ZBTB7B: variants seen among roughly 807,000 people sequenced by gnomAD.
ZBTB7B encodes the protein zinc finger and BTB domain containing 7B, also known as zinc finger and BTB domain-containing protein 7B.
Under a neutral mutation model 31.0 loss-of-function variants are expected in ZBTB7B, and 8 were observed. The ratio of observed to expected loss-of-function variants is 0.26; its 90% CI spans 0.15 to 0.47. ZBTB7B has a LOEUF of 0.47. ZBTB7B is among the 20% of genes least tolerant of loss of function. ZBTB7B has a pLI of 0.99. For missense variants in ZBTB7B, 494 were observed against 742.4 expected (o/e 0.67, Z 3.89); for synonymous variants, 261 against 307.3 (o/e 0.85, Z 1.58).
intron 1 of ZBTB7B, among the ~76,000 whole-genome samples, chr1:155,008,485 CT>C (rs1181789543): frequency 6.6e-6 from 1 of 152,066 alleles, no homozygotes; most frequent in Non-Finnish European, 1.5e-5. Context: ...CCTGTCACCC[CT>C]GGCACTGACT....
intron 1 of ZBTB7B, among the ~76,000 whole-genome samples, chr1:155,005,858 C>G (rs903723556): frequency 4.6e-5 from 7 of 152,204 alleles, no homozygotes; most frequent in African/African-American, 1.4e-4. Context: ...CCCCTCCCCC[C>G]CACTCTTGCC....
At chr1:155,009,660 A>G (rs979915101) in intron 1 of ZBTB7B, among the ~76,000 whole-genome samples, 2 of 151,798 alleles carry the variant, frequency 1.3e-5, no homozygotes, top group Non-Finnish European at 2.9e-5. Context: ...ATTCTCCCCA[A>G]CTGGCTCCCA....
At chr1:155,008,616 C>T (rs1658718819) in intron 1 of ZBTB7B, among the ~76,000 whole-genome samples, 1 of 152,198 alleles carries the variant, frequency 6.6e-6, no homozygotes, top group Admixed American at 6.5e-5. Flanking sequence ...CATCTCTGTC[C>T]TCCTGGACTG....
At chr1:155,009,887 A>G (rs1249527600) in intron 1 of ZBTB7B, among the ~76,000 whole-genome samples, 1 of 152,032 alleles carries the variant, frequency 6.6e-6, no homozygotes, top group Non-Finnish European at 1.5e-5. Flanking sequence ...ACCAAGGGGA[A>G]GAGAAAGGAG....
chr1:155,004,991 G>A lies in ZBTB7B; in HGVS notation c.-7+2048G>A, dbSNP rs1658472283. Among the ~76,000 whole-genome samples, 1 of 152,130 alleles carries A rather than the reference G, an allele frequency of 6.6e-6. No homozygotes were observed. The highest frequency in any genetic ancestry group is 1.5e-5 in the Non-Finnish European group (1 of 67,990). On this transcript the variant is annotated intron_variant, in intron 1 of 2. Coordinates refer to ENST00000535420, the MANE Select transcript of ZBTB7B (RefSeq NM_001256455.2). The surrounding 1 kb of genome is among the most constrained non-coding windows in gnomAD (Gnocchi z 4.0). ...CTAATGGGACTCTCATCACTACTCA[G>A]TTCTGGCTGATGTAGACCCCAGTGT...
At chr1:155,014,055 A>G (rs768597321) in intron 1 of ZBTB7B, 2 of 986,256 alleles carry the variant, frequency 2.0e-6, no homozygotes, top group Non-Finnish European at 2.4e-6. Context: ...GAGTTAAAGC[A>G]CCTGTCTGTG....
chr1:155,015,761 C>A lies in ZBTB7B; in HGVS notation c.1101C>A (p.Thr367=). 1 of 1,612,366 alleles carries A rather than the reference C, an allele frequency of 6.2e-7. No homozygotes were observed. The change falls in exon 2 of 3, where the codon ACC becomes ACA. Residue 367 remains threonine (T), a synonymous_variant. Transcript: ENST00000535420. The part of the protein sequence containing the change: ...GAGKLPRHMR[T]HTGEKPFACE... The stretch of plus-strand genomic sequence containing the variant: ...GCAAACTGCCTCGCCACATGAGGAC[C>A]CACACAGGCGAGAAGCCCTTTGCCT...
Position 155,016,891 on chromosome 1 carries a change from G to GGAGT in ZBTB7B, c.*209_*212dup. On this transcript the variant is annotated 3_prime_UTR_variant, in exon 3 of 3. Coordinates refer to ENST00000535420, the MANE Select transcript of ZBTB7B (RefSeq NM_001256455.2). The surrounding 1 kb of genome is among the most constrained non-coding windows in gnomAD (Gnocchi z 4.3). ...TCCCCAAATTGGGGTGATCCCCCAA[G>GGAGT]GAGTGATACATATATTGTGTATATA... is the stretch of plus-strand genomic sequence containing the variant. 3.7e-6 allele frequency: 2 copies of GGAGT among 547,472 alleles called. No homozygotes were observed. The highest frequency in any genetic ancestry group is 6.5e-6 in the Non-Finnish European group (2 of 307,304). The allele number at this position is 547,472 out of a possible 1,614,324, so 33.9% of individuals were successfully genotyped here. A position where few individuals can be genotyped will look rare whatever the true frequency, so the allele number is the denominator to read the frequency against.
chr1:155,011,382 G>A (rs1341243997), intron 1 of ZBTB7B, among the ~76,000 whole-genome samples: 1 of 152,228 alleles, frequency 6.6e-6, no homozygotes, highest in Non-Finnish European at 1.5e-5. Context: ...AGGTGCCCTT[G>A]AGCACTGAAG....
At position 155,017,347 on chromosome 1, in the gene ZBTB7B, TGGGGGCA is replaced by T. The variant is rs1432135717; in HGVS notation, c.*664_*670del. On this transcript the variant is annotated 3_prime_UTR_variant, in exon 3 of 3. Coordinates refer to ENST00000535420, the MANE Select transcript of ZBTB7B (RefSeq NM_001256455.2). Reference sequence around the variant, plus strand: ...GTGGCCTGATTGGCTCGCCTGCCCCTGGGGGCAGTAGAGGGGCCCCGCCCAGCTAGGG... The same window carrying T: ...GTGGCCTGATTGGCTCGCCTGCCCCTGTAGAGGGGCCCCGCCCAGCTAGGG... 1 of 151,160 alleles carries T rather than the reference TGGGGGCA, an allele frequency of 6.6e-6. No individual in the cohort carries two copies. Among genetic ancestry groups the T allele is most frequent in the African/African-American group, 2.4e-5 (1 of 41,092 alleles). 9.4% of individuals were successfully genotyped at this position (151,160 alleles called of 1,614,324 possible).
At chr1:155,012,119 C>T (rs755144862) in intron 1 of ZBTB7B, among the ~76,000 whole-genome samples, 3 of 152,202 alleles carry the variant, frequency 2.0e-5, no homozygotes, top group Admixed American at 2.0e-4. Context: ...CTTGCCCAAT[C>T]CCTGTGTGAG....
Position 155,009,908 on chromosome 1 carries a change from A to T in ZBTB7B, c.-6-4747A>T, listed in dbSNP as rs540785951. Among the ~76,000 whole-genome samples, 16 of 152,216 alleles carry T rather than the reference A, an allele frequency of 1.1e-4. No individual in the cohort carries two copies. The East Asian group carries it at 2.9e-3, about 28-fold the overall frequency. On this transcript the variant is annotated intron_variant, in intron 1 of 2. Transcript: ENST00000535420. Reference sequence around the variant, plus strand: ...GGGAAGAGAAAGGAGAGGCAGGGACAGTTCCTGGGAGGAGGCCTAGGGACA... The same window carrying T: ...GGGAAGAGAAAGGAGAGGCAGGGACTGTTCCTGGGAGGAGGCCTAGGGACA...
chr1:155,008,332 T>C (rs1429198780), intron 1 of ZBTB7B, among the ~76,000 whole-genome samples: 4 of 152,292 alleles, frequency 2.6e-5, no homozygotes, highest in East Asian at 3.9e-4. Context: ...GGGTGCCGCC[T>C]TGCCCAGCCC....
chr1:155,018,502 A>T lies in ZBTB7B; in HGVS notation c.*1817A>T, dbSNP rs893368681. The T allele has an allele frequency of 6.3e-7, 1 of 1,581,334 alleles. No individual in the cohort carries two copies. Among genetic ancestry groups the T allele is most frequent in the African/African-American group, 1.4e-5 (1 of 69,182 alleles). On this transcript the variant is annotated 3_prime_UTR_variant, in exon 3 of 3. Coordinates refer to ENST00000535420, the MANE Select transcript of ZBTB7B (RefSeq NM_001256455.2). ...ACCTCGGGTGTAAGCGACAGGAAGA[A>T]ATAATAATAATTTAAGATTCACACT...
At position 155,015,761 on chromosome 1, in the gene ZBTB7B, C is replaced by T. The variant is rs1659350758; in HGVS notation, c.1101C>T (p.Thr367=). The T allele has an allele frequency of 6.2e-7, 1 of 1,612,366 alleles. No homozygotes were observed. Among genetic ancestry groups the T allele is most frequent in the African/African-American group, 1.3e-5 (1 of 75,008 alleles). ...GCAAACTGCCTCGCCACATGAGGAC[C>T]CACACAGGCGAGAAGCCCTTTGCCT... ...GAGKLPRHMR[T]HTGEKPFACE... is the part of the protein sequence containing the mutation. The change falls in exon 2 of 3, where the codon ACC becomes ACT. Residue 367 remains threonine, a synonymous_variant. Transcript: ENST00000535420.
At position 155,002,860 on chromosome 1, in the gene ZBTB7B, A is replaced by G; in HGVS notation, c.-90A>G. 1 of 152,858 alleles carries G rather than the reference A, an allele frequency of 6.5e-6. No individual in the cohort carries two copies. Among genetic ancestry groups the G allele is most frequent in the Non-Finnish European group, 1.5e-5 (1 of 68,134 alleles). 9.5% of individuals were successfully genotyped at this position (152,858 alleles called of 1,614,324 possible). On this transcript the variant is annotated 5_prime_UTR_variant, in exon 1 of 3. Coordinates refer to ENST00000535420, the MANE Select transcript of ZBTB7B (RefSeq NM_001256455.2). ...CTGACCAGGACCGGAGCAGGGCCCC[A>G]AGCCCCCGGGCCTGGTGGGGGACGC...
Position 155,015,255 on chromosome 1 carries a change from C to T in ZBTB7B, c.595C>T (p.Arg199Cys), listed in dbSNP as rs766447632. The T allele has an allele frequency of 8.1e-6, 13 of 1,613,604 alleles. No individual in the cohort carries two copies. Among genetic ancestry groups the T allele is most frequent in the Non-Finnish European group, 5.1e-6 (6 of 1,179,970 alleles). Residue 199 changes from arginine (R) to cysteine (C), a missense_variant, in exon 2 of 3, where the codon CGC (arginine) becomes TGC (cysteine). Arg to Cys is a radical substitution (Grantham distance 180). Coordinates refer to ENST00000535420, the MANE Select transcript of ZBTB7B (RefSeq NM_001256455.2). ...PPPPPPRPVA[R>C]RSRKPRKAFL... is the part of the protein sequence containing the mutation. Reference sequence around the variant, plus strand: ...GCCACCGCCACCTCGGCCTGTTGCCCGCCGCAGCCGCAAGCCCCGGAAAGC... The same window carrying T: ...GCCACCGCCACCTCGGCCTGTTGCCTGCCGCAGCCGCAAGCCCCGGAAAGC...
intron 1 of ZBTB7B, among the ~76,000 whole-genome samples, chr1:155,010,598 A>G (rs1658888622): frequency 6.6e-6 from 1 of 152,066 alleles, no homozygotes; most frequent in Non-Finnish European, 1.5e-5. Flanking sequence ...TCCCTCCCCA[A>G]CTGGGCAATC....
At chr1:155,013,987 C>G in intron 1 of ZBTB7B, 1 of 980,936 alleles carries the variant, frequency 1.0e-6, no homozygotes, top group Non-Finnish European at 1.2e-6. Flanking sequence ...TTGGAAGCTG[C>G]CTTCTCTTGT....
Sources: allele counts gnomAD v4.1 joint callset (sites outside exome capture counted in the v4.1 genomes callset), GRCh38; gene constraint gnomAD v4.1.1; non-coding constraint Gnocchi (gnomAD v3.1); transcripts MANE v1.5; gene names NCBI Gene and HGNC (gene_info 2026-07-23, HGNC 2026-07-21).